ATXN1: variants seen among roughly 807,000 people sequenced by gnomAD.
ATXN1 encodes the protein ataxin 1, also known as ataxin-1.
In ATXN1, 8 loss-of-function variants were observed where a neutral mutation model predicts 56.4. The observed-to-expected ratio is 0.14, with a 90% CI of 0.08 to 0.26. The LOEUF is 0.26. Among genes scored for constraint, ATXN1 ranks in the 10% least tolerant of loss-of-function variants. The pLI is 1.00. For missense variants in ATXN1, 987 were observed against 1,106.5 expected (o/e 0.89, Z 1.53); for synonymous variants, 514 against 494.6 (o/e 1.04, Z -0.52).
chr6:16,316,065 C>T (rs1760500761), intron 7 of ATXN1, among the ~76,000 whole-genome samples: 1 of 152,224 alleles, frequency 6.6e-6, no homozygotes, highest in African/African-American at 2.4e-5. Flanking sequence ...CTGGGCTGCA[C>T]AGCTGGAGGT....
intron 4 of ATXN1, among the ~76,000 whole-genome samples, chr6:16,572,810 C>T (rs1004903938): frequency 6.6e-6 from 1 of 152,104 alleles, no homozygotes. Flanking sequence ...TCTGTTTTTT[C>T]TTCTATAAAG....
Position 16,606,820 on chromosome 6 carries a change from G to A in ATXN1, c.-488-20913C>T, listed in dbSNP as rs1232016816. ...TGGGATTACAAGCATGAGCCATCACGCCCGGCCCTAAATTGAATTTTGGGG... is the reference window on the plus strand; with the variant it reads ...TGGGATTACAAGCATGAGCCATCACACCCGGCCCTAAATTGAATTTTGGGG... On this transcript the variant is annotated intron_variant, in intron 3 of 7. Transcript: ENST00000436367. 3.5e-5 allele frequency among the ~76,000 whole-genome samples: 5 copies of A among 144,214 alleles called. 1 individual carries two copies. The highest frequency in any genetic ancestry group is 7.6e-5 in the African/African-American group (3 of 39,588). 94.6% of individuals were successfully genotyped at this position (144,214 alleles called of 152,430 possible). A position where few individuals can be genotyped will look rare whatever the true frequency, so the allele number is the denominator to read the frequency against.
At chr6:16,722,472 A>G (rs2113471446) in intron 2 of ATXN1, among the ~76,000 whole-genome samples, 1 of 152,346 alleles carries the variant, frequency 6.6e-6, no homozygotes, top group Non-Finnish European at 1.5e-5. Flanking sequence ...GCTCACTAAT[A>G]ATAGTCTAAT....
At chr6:16,621,229 C>T (rs1435645732) in intron 3 of ATXN1, among the ~76,000 whole-genome samples, 1 of 152,202 alleles carries the variant, frequency 6.6e-6, no homozygotes, top group African/African-American at 2.4e-5. Flanking sequence ...TTGCATCCTT[C>T]CTTCTTGACA....
intron 2 of ATXN1, among the ~76,000 whole-genome samples, chr6:16,744,416 G>A (rs1226553779): frequency 1.3e-5 from 2 of 152,132 alleles, no homozygotes; most frequent in Non-Finnish European, 1.5e-5. Flanking sequence ...TTGGATAATG[G>A]TTAGACTTTG....
chr6:16,745,271 C>T (rs1042657870), intron 2 of ATXN1, among the ~76,000 whole-genome samples: 3 of 152,142 alleles, frequency 2.0e-5, no homozygotes, highest in African/African-American at 7.2e-5. Context: ...AGTGTGTCCT[C>T]GGTAAATACT....
intron 2 of ATXN1, among the ~76,000 whole-genome samples, chr6:16,745,970 GTGTC>G (rs755036963): frequency 1.3e-3 from 177 of 136,984 alleles, no homozygotes; most frequent in Non-Finnish European, 2.0e-3. Context: ...GTGTGTGTGT[GTGTC>G]TGTTTTTATT....
chr6:16,407,048 T>C (rs543638415), intron 6 of ATXN1, among the ~76,000 whole-genome samples: 40 of 152,330 alleles, frequency 2.6e-4, no homozygotes, highest in African/African-American at 8.9e-4. Flanking sequence ...AGAACAAGCA[T>C]TTCTAACACT....
At chr6:16,344,275 A>G (rs2113446058) in intron 6 of ATXN1, among the ~76,000 whole-genome samples, 1 of 152,350 alleles carries the variant, frequency 6.6e-6, no homozygotes, top group South Asian at 2.1e-4. Context: ...CCACCCCCGC[A>G]TGCCTTCACC....
At chr6:16,446,816 T>C (rs1423764007) in intron 6 of ATXN1, among the ~76,000 whole-genome samples, 1 of 152,200 alleles carries the variant, frequency 6.6e-6, no homozygotes, top group Non-Finnish European at 1.5e-5. Context: ...GACCATACTC[T>C]CTACAGTTTG....
At position 16,331,463 on chromosome 6, in the gene ATXN1, T is replaced by A. The variant is rs1760990949; in HGVS notation, c.-160-2993A>T. ...TTCCATACCAACGAGCAAGGAAAAC[T>A]CATGCGTGAGACCTACTCAGAGAGA... is the stretch of plus-strand genomic sequence containing the variant. On this transcript the variant is annotated intron_variant, in intron 6 of 7. Transcript: ENST00000436367. 2.0e-5 allele frequency among the ~76,000 whole-genome samples: 3 copies of A among 152,228 alleles called. No homozygotes were observed. In the South Asian group the frequency reaches 6.2e-4, roughly 32 times the overall value.
At chr6:16,632,365 C>T (rs1377739357) in intron 3 of ATXN1, among the ~76,000 whole-genome samples, 3 of 152,160 alleles carry the variant, frequency 2.0e-5, no homozygotes, top group Non-Finnish European at 4.4e-5. Context: ...TGACTTAGAG[C>T]CTGCTAAATG....
At chr6:16,635,267 C>G (rs955990862) in intron 3 of ATXN1, among the ~76,000 whole-genome samples, 4 of 152,172 alleles carry the variant, frequency 2.6e-5, no homozygotes, top group African/African-American at 9.7e-5. Flanking sequence ...GGAAAACAAG[C>G]TCAAGGATCT....
At chr6:16,717,538 G>A (rs758347137) in intron 2 of ATXN1, among the ~76,000 whole-genome samples, 2 of 152,168 alleles carry the variant, frequency 1.3e-5, no homozygotes, top group Admixed American at 1.3e-4. Flanking sequence ...ATTTCTCAAG[G>A]CACATCAATA....
chr6:16,366,465 C>G (rs1761921814), intron 6 of ATXN1, among the ~76,000 whole-genome samples: 1 of 152,056 alleles, frequency 6.6e-6, no homozygotes, highest in Non-Finnish European at 1.5e-5. Context: ...CTCAGAGACA[C>G]TTAAACTATA....
chr6:16,548,481 T>G (rs999980372), intron 4 of ATXN1, among the ~76,000 whole-genome samples: 1 of 152,248 alleles, frequency 6.6e-6, no homozygotes, highest in African/African-American at 2.4e-5. Context: ...TATAAACACA[T>G]TATTTAAAAC....
chr6:16,670,433 G>A (rs951590315), intron 2 of ATXN1, among the ~76,000 whole-genome samples: 12 of 152,206 alleles, frequency 7.9e-5, no homozygotes, highest in African/African-American at 2.7e-4. Context: ...GAAGGGGGAT[G>A]TGAAACATAT....
chr6:16,357,229 TATTTTTTA>T (rs1255457582), intron 6 of ATXN1, among the ~76,000 whole-genome samples: 1 of 88,130 alleles, frequency 1.1e-5, no homozygotes, highest in African/African-American at 4.9e-5. Context: ...TTTATTTTAT[TATTTTTTA>T]TTTTATTTTA....
At chr6:16,714,152 A>G (rs1472305057) in intron 2 of ATXN1, among the ~76,000 whole-genome samples, 1 of 102,326 alleles carries the variant, frequency 9.8e-6, no homozygotes, top group Non-Finnish European at 1.9e-5. Context: ...AAGACTGTAG[A>G]AAAAAAGAAA....
Sources: gnomAD v4.1 joint callset for allele counts (sites outside exome capture counted in the v4.1 genomes callset) on GRCh38, gnomAD v4.1.1 for gene constraint, MANE v1.5 for transcripts, NCBI Gene and HGNC (gene_info 2026-07-23, HGNC 2026-07-21) for gene names.